The following SERPINB11 variants were observed in gnomAD, a reference collection of about 807,000 sequenced individuals.
SERPINB11 encodes the protein serpin family B member 11, also known as serpin B11.
A neutral mutation model predicts 36.7 loss-of-function variants in SERPINB11; 32 were observed. The ratio of observed to expected loss-of-function variants is 0.87; its 90% CI spans 0.66 to 1.17. The LOEUF is 1.17. SERPINB11 is among the 50% of genes most tolerant of loss of function. SERPINB11 has a pLI of 0.00. For synonymous variants in SERPINB11, 174 were observed against 168.1 expected (o/e 1.04, Z -0.27); for missense variants, 528 against 458.4 (o/e 1.15, Z -1.39).
In SERPINB11 at chr18:63,721,004, C is replaced by T. The variant is rs1373383254; in HGVS notation, c.774+18C>T. 1 of 1,593,870 alleles carries T rather than the reference C, an allele frequency of 6.3e-7. No individual in the cohort carries two copies. The highest frequency in any genetic ancestry group is 1.1e-5 in the South Asian group (1 of 88,728). On this transcript the variant is annotated intron_variant, in intron 7 of 7. Coordinates refer to ENST00000544088, the MANE Select transcript of SERPINB11 (RefSeq NM_001370475.1). ...TGAAACAGGTAAAATTATAAGAATG[C>T]TATAATGCAGTTAAAGCATGTGTGC... is the stretch of plus-strand genomic sequence containing the variant.
chr18:63,708,552 TAGA>T (rs962611496), intron 1 of SERPINB11, among the ~76,000 whole-genome samples: 4 of 152,050 alleles, frequency 2.6e-5, no homozygotes, highest in African/African-American at 9.7e-5. Context: ...TGAGAAAGAA[TAGA>T]AGAATGGAAT....
At chr18:63,720,634 T>C in intron 6 of SERPINB11, 197 bp from the exon 7 acceptor site, 1 of 527,952 alleles carries the variant, frequency 1.9e-6, no homozygotes, top group Non-Finnish European at 3.3e-6. Context: ...CAATTCAGTC[T>C]CTAACCATGA....
chr18:63,712,741 A>G, intron 4 of SERPINB11, 48 bp downstream of exon 4: 1 of 1,587,982 alleles, frequency 6.3e-7, no homozygotes, highest in Non-Finnish European at 8.6e-7. Flanking sequence ...GCGTCCTCTG[A>G]ATTTCATACC....
intron 5 of SERPINB11, among the ~76,000 whole-genome samples, chr18:63,718,451 T>C (rs375227561): frequency 1.3e-5 from 2 of 152,070 alleles, no homozygotes; most frequent in South Asian, 2.1e-4. Flanking sequence ...CTTAATTTTT[T>C]CTTTTGATAA....
intron 5 of SERPINB11, among the ~76,000 whole-genome samples, chr18:63,719,717 G>A (rs8084133): frequency 0.37 from 56,436 of 151,838 alleles, 11,342 homozygotes; most frequent in East Asian, 0.61. Context: ...AATAAGCAGT[G>A]ATGTATAAGA....
intron 5 of SERPINB11, among the ~76,000 whole-genome samples, chr18:63,717,384 T>C (rs1034391455): frequency 1.3e-5 from 2 of 152,056 alleles, no homozygotes; most frequent in Admixed American, 1.3e-4. Context: ...TTTTATTGGG[T>C]GTATACCTTG....
At chr18:63,706,434 T>C (rs1914374508) in intron 1 of SERPINB11, among the ~76,000 whole-genome samples, 1 of 152,162 alleles carries the variant, frequency 6.6e-6, no homozygotes, top group African/African-American at 2.4e-5. Flanking sequence ...CTAGGATAAA[T>C]ATGTATTGGC....
In SERPINB11 at chr18:63,712,604, G is replaced by C. The variant is rs4940595; in HGVS notation, c.268G>C (p.Glu90Gln). 1 of 1,613,318 alleles carries C rather than the reference G, an allele frequency of 6.2e-7. No homozygotes were observed. The highest frequency in any genetic ancestry group is 8.5e-7 in the Non-Finnish European group (1 of 1,179,590). The part of the protein sequence containing the change: ...AGRIHSEFGV[E>Q]FSQINQPDSN... Reference sequence around the variant, plus strand: ...AAGAATTCATTCCGAGTTTGGTGTCGAATTCTCTCAAATCAACCAGCCAGA... The same window carrying C: ...AAGAATTCATTCCGAGTTTGGTGTCCAATTCTCTCAAATCAACCAGCCAGA... Residue 90 changes from glutamate (E) to glutamine (Q), a missense_variant, in exon 4 of 8, where the codon GAA becomes CAA. Coordinates refer to ENST00000544088, the MANE Select transcript of SERPINB11 (RefSeq NM_001370475.1).
intron 2 of SERPINB11, among the ~76,000 whole-genome samples, 168 bp downstream of exon 2, chr18:63,710,529 G>A (rs1283343968): frequency 4.6e-5 from 7 of 152,196 alleles, no homozygotes; most frequent in Admixed American, 2.0e-4. Context: ...TTTGATTAAT[G>A]GAGTATGCTG....
intron 5 of SERPINB11, among the ~76,000 whole-genome samples, chr18:63,719,585 T>C (rs994001413): frequency 6.6e-6 from 1 of 152,148 alleles, no homozygotes; most frequent in Non-Finnish European, 1.5e-5. Flanking sequence ...AATACACTAA[T>C]TCTAGTGCAT....
In SERPINB11 at chr18:63,723,671, G is replaced by C. The variant is rs1914888601; in HGVS notation, c.*272G>C. On this transcript the variant is annotated 3_prime_UTR_variant, in exon 8 of 8. Transcript: ENST00000544088. Reference sequence around the variant, plus strand: ...GAGTGCTGTCCAGTGACATGATCAAGTCAATGAGTAAAATTTTAAGGGATT... The same window carrying C: ...GAGTGCTGTCCAGTGACATGATCAACTCAATGAGTAAAATTTTAAGGGATT... 6.0e-6 allele frequency: 2 copies of C among 334,152 alleles called. No individual in the cohort carries two copies. Among genetic ancestry groups the C allele is most frequent in the Non-Finnish European group, 1.1e-5 (2 of 185,560 alleles). The allele number at this position is 334,152 out of a possible 1,614,324, so 20.7% of individuals were successfully genotyped here.
intron 7 of SERPINB11, among the ~76,000 whole-genome samples, chr18:63,722,572 G>A (rs551687987): frequency 1.8e-4 from 28 of 152,260 alleles, no homozygotes; most frequent in South Asian, 8.3e-4. Context: ...CAGAGTGCAT[G>A]GGGATCCTGG....
Position 63,710,344 on chromosome 18 carries a change from G to T in SERPINB11, c.151G>T (p.Glu51Ter), listed in dbSNP as rs765575561. 6.2e-7 allele frequency: 1 copy of T among 1,612,612 alleles called. No individual in the cohort carries two copies. Among genetic ancestry groups the T allele is most frequent in the Admixed American group, 1.7e-5 (1 of 59,840 alleles). The change falls in exon 2 of 8, where the codon GAA (glutamate) becomes TAA (stop). Residue 51 changes from glutamate to a stop codon, truncating the protein, a stop_gained. Transcript: ENST00000544088. LOFTEE classifies it high-confidence loss of function. ...MVLLGARGETEEQLEKVLHFS... is the reference protein window; with the variant it reads ...MVLLGARGET ...CCTCCTTGGTGCCAGGGGAGAGACTGAAGAGCAATTGGAGAAGGTATGGAA... is the reference window on the plus strand; with the variant it reads ...CCTCCTTGGTGCCAGGGGAGAGACTTAAGAGCAATTGGAGAAGGTATGGAA...
At chr18:63,711,314 T>C in intron 2 of SERPINB11, 21 bp from the exon 3 acceptor site, 1 of 1,576,978 alleles carries the variant, frequency 6.3e-7, no homozygotes, top group Non-Finnish European at 8.7e-7. Flanking sequence ...TGCCAAAAGA[T>C]CCCTTTTTTT....
rs73962369 is a variant in SERPINB11 at position 63,713,305 on chromosome 18, G to T, written c.357+612G>T. 3.8e-3 allele frequency among the ~76,000 whole-genome samples: 578 copies of T among 152,250 alleles called. 6 individuals carry two copies. The highest frequency in any genetic ancestry group is 0.013 in the African/African-American group (552 of 41,532). On this transcript the variant is annotated intron_variant, in intron 4 of 7. Transcript: ENST00000544088. ...ATCCTCACACTGTGCTAAGATATTGGTATAAAATTTCCATTAATTCTACAG... is the reference window on the plus strand; with the variant it reads ...ATCCTCACACTGTGCTAAGATATTGTTATAAAATTTCCATTAATTCTACAG...
intron 1 of SERPINB11, among the ~76,000 whole-genome samples, chr18:63,708,807 G>C (rs1914439867): frequency 6.6e-6 from 1 of 152,188 alleles, no homozygotes; most frequent in Non-Finnish European, 1.5e-5. Context: ...GGGTATGACT[G>C]TTCATAGAGA....
At chr18:63,703,989 A>T (rs1914306946) in intron 1 of SERPINB11, among the ~76,000 whole-genome samples, 1 of 152,068 alleles carries the variant, frequency 6.6e-6, no homozygotes, top group African/African-American at 2.4e-5. Context: ...TTTCCAAGAC[A>T]CAGCCAACAT....
intron 7 of SERPINB11, among the ~76,000 whole-genome samples, chr18:63,721,646 G>A (rs1448550526): frequency 2.6e-5 from 4 of 152,156 alleles, no homozygotes; most frequent in Non-Finnish European, 4.4e-5. Flanking sequence ...AAAACACTGT[G>A]GCACAGGTGA....
intron 5 of SERPINB11, among the ~76,000 whole-genome samples, chr18:63,717,199 A>G (rs1471895021): frequency 2.0e-5 from 3 of 152,038 alleles, no homozygotes; most frequent in Non-Finnish European, 2.9e-5. Context: ...ATGTAGTTAC[A>G]CATTGCATGG....
Sources: allele counts gnomAD v4.1 joint callset (sites outside exome capture counted in the v4.1 genomes callset), GRCh38; gene constraint gnomAD v4.1.1; transcripts MANE v1.5; gene names NCBI Gene and HGNC (gene_info 2026-07-23, HGNC 2026-07-21).